The following ANGEL2 variants were observed in gnomAD, a reference collection of about 807,000 sequenced individuals.
ANGEL2 encodes angel homolog 2, also known as RNA 2',3'-cyclic phosphatase ANGEL2.
In ANGEL2, 41 loss-of-function variants were observed where a neutral mutation model predicts 66.0. The ratio of observed to expected loss-of-function variants is 0.62; its 90% CI spans 0.48 to 0.81. The LOEUF (loss-of-function observed/expected upper bound fraction) is 0.81. Among genes scored for constraint, ANGEL2 ranks in the 30% least tolerant of loss-of-function variants. ANGEL2 has a pLI of 0.00. For missense variants in ANGEL2, 561 were observed against 641.6 expected (o/e 0.87, Z 1.36); for synonymous variants, 208 against 226.5 (o/e 0.92, Z 0.73).
intron 2 of ANGEL2, chr1:213,011,082 C>T (rs2076495871): frequency 2.0e-6 from 2 of 1,020,606 alleles, no homozygotes; most frequent in African/African-American, 1.7e-5. Context: ...TTTTAATAAA[C>T]TTACAGAAAT....
chr1:212,992,848 A>C lies in ANGEL2; in HGVS notation c.*2193T>G, dbSNP rs1214690014. On this transcript the variant is annotated 3_prime_UTR_variant, in exon 9 of 9. Transcript: ENST00000366962. ...ATTCACACAACACAAAGCAGTAATT[A>C]ACTAATGAATTTTCATTTTTCTTTC... The C allele has an allele frequency of 6.6e-6, 1 of 152,232 alleles. No individual in the cohort carries two copies. The highest frequency in any genetic ancestry group is 1.5e-5 in the Non-Finnish European group (1 of 68,042). 9.4% of individuals were successfully genotyped at this position (152,232 alleles called of 1,614,324 possible). A position where few individuals can be genotyped will look rare whatever the true frequency, so the allele number is the denominator to read the frequency against.
Position 212,995,165 on chromosome 1 carries a change from A to G in ANGEL2, c.1511T>C (p.Leu504Ser). The change falls in exon 9 of 9, where the codon TTG (leucine) becomes TCG (serine). Residue 504 changes from leucine (L) to serine (S), a missense_variant. Transcript: ENST00000366962. Reference protein sequence around the residue: ...PGAEVALVGGLKLLARLSLLT... With the variant: ...PGAEVALVGGSKLLARLSLLT... The stretch of plus-strand genomic sequence containing the variant: ...AAGTGACAGTCTAGCTAGAAGTTTC[A>G]AGCCACCAACCAAAGCAACTTCAGC... 2 of 1,608,598 alleles carry G rather than the reference A, an allele frequency of 1.2e-6. No homozygotes were observed. Among genetic ancestry groups the G allele is most frequent in the Non-Finnish European group, 1.7e-6 (2 of 1,177,176 alleles).
At chr1:213,007,755 C>T (rs1406533229) in intron 3 of ANGEL2, among the ~76,000 whole-genome samples, 1 of 152,136 alleles carries the variant, frequency 6.6e-6, no homozygotes, top group African/African-American at 2.4e-5. Context: ...AAGACTTATT[C>T]CATCATTATT....
At chr1:212,998,111 C>T (rs1558170009) in intron 7 of ANGEL2, among the ~76,000 whole-genome samples, 2 of 151,976 alleles carry the variant, frequency 1.3e-5, no homozygotes, top group African/African-American at 4.8e-5. Flanking sequence ...TAAAATAGGG[C>T]CGGACGCGGT....
At chr1:213,009,508 C>T (rs1259651924) in intron 2 of ANGEL2, among the ~76,000 whole-genome samples, 4 of 152,182 alleles carry the variant, frequency 2.6e-5, no homozygotes, top group African/African-American at 9.7e-5. Flanking sequence ...CTCTATCCTG[C>T]AAAGGTTTTC....
chr1:213,000,527 G>T, intron 6 of ANGEL2, 144 bp from the exon 7 acceptor site: 2 of 793,372 alleles, frequency 2.5e-6, no homozygotes, highest in South Asian at 2.2e-5. Context: ...TATATATTTC[G>T]ATGGCCTCCA....
intron 6 of ANGEL2, 172 bp from the exon 7 acceptor site, chr1:213,000,555 A>G (rs2148143463): frequency 1.3e-6 from 1 of 773,400 alleles, no homozygotes; most frequent in African/African-American, 1.8e-5. Context: ...GAAAAATAGA[A>G]AAATGCAAAC....
Position 213,006,237 on chromosome 1 carries a change from G to A in ANGEL2, c.713-783C>T, listed in dbSNP as rs370042328. Among the ~76,000 whole-genome samples, 7 of 152,188 alleles carry A rather than the reference G, an allele frequency of 4.6e-5. No individual in the cohort carries two copies. The South Asian group carries it at 8.3e-4, about 18-fold the overall frequency. On this transcript the variant is annotated intron_variant, in intron 4 of 8. Coordinates refer to ENST00000366962, the MANE Select transcript of ANGEL2 (RefSeq NM_144567.5). ...AGCACTTTGGGAGGCCAAGGCAGGCGGATCACGAGGTCAGGAGATCAAGGC... is the reference window on the plus strand; with the variant it reads ...AGCACTTTGGGAGGCCAAGGCAGGCAGATCACGAGGTCAGGAGATCAAGGC...
chr1:213,009,551 CA>C (rs1303890141), intron 2 of ANGEL2, among the ~76,000 whole-genome samples: 3 of 152,060 alleles, frequency 2.0e-5, no homozygotes, highest in Non-Finnish European at 4.4e-5. Context: ...GGAATTCCAC[CA>C]ATCAAAAATT....
At chr1:213,000,591 T>G in intron 6 of ANGEL2, 195 bp downstream of exon 6, 1 of 756,726 alleles carries the variant, frequency 1.3e-6, no homozygotes, top group African/African-American at 1.8e-5. Flanking sequence ...TGCAAGTAAA[T>G]CATGCACAGA....
intron 2 of ANGEL2, among the ~76,000 whole-genome samples, chr1:213,012,078 C>T (rs1280405162): frequency 6.6e-6 from 1 of 152,090 alleles, no homozygotes; most frequent in African/African-American, 2.4e-5. Context: ...AACTGTGTAG[C>T]AATAAGTTAC....
intron 8 of ANGEL2, among the ~76,000 whole-genome samples, chr1:212,996,623 CA>C (rs71585821): frequency 2.7e-4 from 6 of 22,090 alleles, no homozygotes; most frequent in African/African-American, 5.0e-4. Context: ...ACTCTGTATC[CA>C]AAAAAAAAAA....
chr1:213,001,082 A>C, intron 5 of ANGEL2, 170 bp from the exon 6 acceptor site: 1 of 605,782 alleles, frequency 1.7e-6, no homozygotes, highest in East Asian at 3.3e-5. Flanking sequence ...TTTAAATACA[A>C]TTCAGAAAGC....
chr1:213,007,136 T>C lies in ANGEL2; in HGVS notation c.705A>G (p.Glu235=). The C allele has an allele frequency of 6.2e-7, 1 of 1,608,060 alleles. No individual in the cohort carries two copies. Among genetic ancestry groups the C allele is most frequent in the South Asian group, 1.1e-5 (1 of 90,412 alleles). Residue 235 remains glutamate (E), a synonymous_variant, in exon 4 of 9, where the codon GAA becomes GAG. Transcript: ENST00000366962. The part of the protein sequence containing the change: ...HYGAEIRPSL[E]SLGYHCEYKM... ...AAAAAAGTTGCATTGTACCCAGTGA[T>C]TCCAAACTTGGCCTGATCTCTGCTC...
intron 1 of ANGEL2, among the ~76,000 whole-genome samples, 184 bp from the exon 2 acceptor site, chr1:213,013,602 G>A (rs957607985): frequency 2.0e-5 from 3 of 152,026 alleles, no homozygotes; most frequent in Admixed American, 6.5e-5. Flanking sequence ...CAATACTCTC[G>A]TCCTAAAAAA....
chr1:213,014,328 G>A (rs1030543849), intron 1 of ANGEL2, among the ~76,000 whole-genome samples: 1 of 152,042 alleles, frequency 6.6e-6, no homozygotes, highest in African/African-American at 2.4e-5. Flanking sequence ...CATCCCTAAG[G>A]GAATTTTGTT....
rs762528072 is a variant in ANGEL2, at chr1:213,007,165, A to G, written c.676T>C (p.Tyr226His). ...LCLQEVQEDH[Y>H]GAEIRPSLES... ...AAACTTGGCCTGATCTCTGCTCCAT[A>G]ATGATCTTCTTGAACTTCTTGCAAA... The change falls in exon 4 of 9, where the codon TAT becomes CAT. Residue 226 changes from tyrosine (Y) to histidine (H), a missense_variant. Transcript: ENST00000366962. 5 of 1,599,190 alleles carry G rather than the reference A, an allele frequency of 3.1e-6. No individual in the cohort carries two copies. The highest frequency in any genetic ancestry group is 3.5e-5 in the Admixed American group (2 of 57,034).
At chr1:212,997,978 T>C (rs887209093) in intron 7 of ANGEL2, among the ~76,000 whole-genome samples, 1 of 152,136 alleles carries the variant, frequency 6.6e-6, no homozygotes, top group Non-Finnish European at 1.5e-5. Context: ...TGAGAATACA[T>C]AGATGAAGAT....
At position 213,013,405 on chromosome 1, in the gene ANGEL2, G is replaced by A; in HGVS notation, c.73C>T (p.Pro25Ser). Residue 25 changes from proline (P) to serine (S), a missense_variant, in exon 2 of 9, where the codon CCC becomes TCC. Transcript: ENST00000366962. ...VVGRGRYPMFPHHSRSLGRDW... is the reference protein window; with the variant it reads ...VVGRGRYPMFSHHSRSLGRDW... ...CTGCCCAGACTCCTCGAGTGATGGG[G>A]AAACATGGGGTATCTAAAAGAAATA... The A allele has an allele frequency of 3.7e-6, 6 of 1,611,992 alleles. No homozygotes were observed. Among genetic ancestry groups the A allele is most frequent in the Non-Finnish European group, 5.1e-6 (6 of 1,178,984 alleles).
Sources: allele counts gnomAD v4.1 joint callset (sites outside exome capture counted in the v4.1 genomes callset), GRCh38; gene constraint gnomAD v4.1.1; transcripts MANE v1.5; gene names NCBI Gene and HGNC (gene_info 2026-07-23, HGNC 2026-07-21).